Variants in UTRN observed in about 807,000 individuals in gnomAD.
UTRN encodes the protein dystrophin-related protein 1.
UTRN carries 283 observed loss-of-function variants against 463.9 expected under a neutral mutation model. The ratio of observed to expected loss-of-function variants is 0.61; its 90% CI spans 0.55 to 0.67. The LOEUF is 0.67. Among genes scored for constraint, UTRN ranks in the 30% least tolerant of loss-of-function variants. The probability of loss-of-function intolerance (pLI) is 0.00; values close to 1 mark genes in which losing one functional copy is unlikely to be tolerated. For synonymous variants in UTRN, 1,442 were observed against 1,431.5 expected (o/e 1.01, Z -0.17); for missense variants, 3,922 against 4,084.3 (o/e 0.96, Z 1.08).
intron 2 of UTRN, among the ~76,000 whole-genome samples, chr6:144,321,955 G>A (rs1775686970): frequency 1.3e-5 from 2 of 151,828 alleles, no homozygotes; most frequent in Admixed American, 6.6e-5. Flanking sequence ...GTAGAGATGG[G>A]GTTTTACCAT....
intron 57 of UTRN, among the ~76,000 whole-genome samples, chr6:144,756,086 G>T (rs1478261089): frequency 6.6e-6 from 1 of 151,986 alleles, no homozygotes; most frequent in Non-Finnish European, 1.5e-5. Context: ...GTACCTAGAT[G>T]CCAGGACACA....
chr6:144,775,697 G>A (rs1471038740), intron 60 of UTRN, among the ~76,000 whole-genome samples: 2 of 152,168 alleles, frequency 1.3e-5, no homozygotes, highest in Non-Finnish European at 2.9e-5. Context: ...CAGGCCTGAT[G>A]AGCTATAAAA....
chr6:144,384,726 T>A (rs551929532), intron 2 of UTRN, among the ~76,000 whole-genome samples: 2 of 152,340 alleles, frequency 1.3e-5, no homozygotes, highest in South Asian at 4.1e-4. Context: ...TGTTGTAGCA[T>A]GTGTCTGAAT....
chr6:144,290,328 C>T (rs1181395884), intron 1 of UTRN, among the ~76,000 whole-genome samples: 6 of 152,180 alleles, frequency 3.9e-5, no homozygotes, highest in Admixed American at 6.5e-5. Context: ...TATTTAGTCT[C>T]CTTTAATTCA....
chr6:144,664,075 A>T (rs1215963173), intron 51 of UTRN, among the ~76,000 whole-genome samples: 3 of 152,244 alleles, frequency 2.0e-5, no homozygotes, highest in African/African-American at 7.2e-5. Flanking sequence ...AGATGAAATT[A>T]TAAGAGTAAT....
intron 34 of UTRN, among the ~76,000 whole-genome samples, chr6:144,506,127 A>G (rs985334708): frequency 6.9e-6 from 1 of 143,946 alleles, no homozygotes; most frequent in Non-Finnish European, 1.5e-5. Context: ...ATATTCCTCT[A>G]TCCCTTTATT....
chr6:144,418,804 G>A (rs1227926823), intron 3 of UTRN, among the ~76,000 whole-genome samples: 2 of 151,900 alleles, frequency 1.3e-5, no homozygotes, highest in African/African-American at 2.4e-5. Context: ...CTCTCGCCTC[G>A]GCCTCCCAAA....
chr6:144,429,487 G>C (rs1453435844), intron 8 of UTRN, 94 bp from the exon 9 acceptor site: 6 of 1,122,120 alleles, frequency 5.3e-6, no homozygotes, highest in African/African-American at 4.7e-5. Flanking sequence ...ATTGTTTATG[G>C]GTACTAAGGA....
chr6:144,533,088 C>T lies in UTRN; in HGVS notation c.6061C>T (p.Leu2021Phe). The T allele has an allele frequency of 6.4e-7, 1 of 1,566,474 alleles. No individual in the cohort carries two copies. Among genetic ancestry groups the T allele is most frequent in the Non-Finnish European group, 8.8e-7 (1 of 1,137,454 alleles). ...CTTGAGTTGTGCTCTGTTACAGGAACTTGAGGTGGGCATCAGCAGCCACCA... is the reference window on the plus strand; with the variant it reads ...CTTGAGTTGTGCTCTGTTACAGGAATTTGAGGTGGGCATCAGCAGCCACCA... ...LEKARIHQQE[L>F]EVGISSHQPS... Residue 2021 changes from leucine (L) to phenylalanine (F), a missense_variant, in exon 43 of 75, where the codon CTT becomes TTT. By Grantham distance (22) the Leu-to-Phe change is conservative (BLOSUM62 0). This residue lies in a region of UTRN where 2,349 missense variants were observed against 2,303.8 expected (regional missense o/e 1.02). Transcript: ENST00000367545.
chr6:144,833,904 C>T (rs1199318453), intron 69 of UTRN, among the ~76,000 whole-genome samples: 1 of 152,210 alleles, frequency 6.6e-6, no homozygotes, highest in Non-Finnish European at 1.5e-5. Flanking sequence ...CCCTGCCAGT[C>T]TGTTTGATTT....
At chr6:144,646,406 G>T (rs12198720) in intron 51 of UTRN, among the ~76,000 whole-genome samples, 19,986 of 152,066 alleles carry the variant, frequency 0.13, 1,705 homozygotes, top group South Asian at 0.27. Flanking sequence ...ATGTTACTAG[G>T]TTCCTCTGTG....
chr6:144,447,171 G>T, intron 14 of UTRN, 40 bp from the exon 15 acceptor site: 1 of 1,563,232 alleles, frequency 6.4e-7, no homozygotes, highest in South Asian at 1.1e-5. Flanking sequence ...ATTACCAAAT[G>T]ATTTTGCAGA....
intron 32 of UTRN, among the ~76,000 whole-genome samples, chr6:144,492,854 C>G (rs1238357074): frequency 6.6e-6 from 1 of 152,172 alleles, no homozygotes; most frequent in African/African-American, 2.4e-5. Context: ...AGACTTAGTA[C>G]TTCTGAGAAA....
chr6:144,563,758 A>G lies in UTRN; in HGVS notation c.7289+6447A>G, dbSNP rs186069257. 1.7e-4 allele frequency among the ~76,000 whole-genome samples: 26 copies of G among 152,300 alleles called. No homozygotes were observed. In the East Asian group the frequency reaches 4.6e-3, roughly 27 times the overall value. On this transcript the variant is annotated intron_variant, in intron 50 of 74. Coordinates refer to ENST00000367545, the MANE Select transcript of UTRN (RefSeq NM_007124.3). ...CCAAAAAGAGAAGGGTAAAAATTAT[A>G]GTCTTCTATATTTTCCTCTTCTGTT...
intron 51 of UTRN, among the ~76,000 whole-genome samples, chr6:144,579,385 A>G (rs972151484): frequency 8.2e-6 from 1 of 121,398 alleles, no homozygotes; most frequent in Non-Finnish European, 1.6e-5. Context: ...AACTTATGCA[A>G]TGGTTTAATT....
intron 2 of UTRN, among the ~76,000 whole-genome samples, chr6:144,362,985 A>AT (rs1779206037): frequency 6.6e-6 from 1 of 152,138 alleles, no homozygotes; most frequent in African/African-American, 2.4e-5. Flanking sequence ...TGGGTTTGCT[A>AT]TTTTTTAAAA....
In UTRN at chr6:144,707,565, C is replaced by T. The variant is rs570859517; in HGVS notation, c.7809+7322C>T. Among the ~76,000 whole-genome samples the T allele has an allele frequency of 5.2e-4, 79 of 152,250 alleles. 2 individuals are homozygous for T. The highest frequency in any genetic ancestry group is 1.8e-3 in the African/African-American group (75 of 41,542). On this transcript the variant is annotated intron_variant, in intron 53 of 74. Coordinates refer to ENST00000367545, the MANE Select transcript of UTRN (RefSeq NM_007124.3). ...CAATTCTGGCTGCACTTTCCTAGGA[C>T]ATATAAAAGATATCAATGCTCAGTT...
At chr6:144,316,943 A>G (rs1351446443) in intron 2 of UTRN, among the ~76,000 whole-genome samples, 1 of 152,242 alleles carries the variant, frequency 6.6e-6, no homozygotes, top group Non-Finnish European at 1.5e-5. Context: ...TGCAGAGAGG[A>G]AGAAATGAGT....
At chr6:144,648,291 C>A (rs1778479573) in intron 51 of UTRN, among the ~76,000 whole-genome samples, 1 of 152,182 alleles carries the variant, frequency 6.6e-6, no homozygotes, top group Non-Finnish European at 1.5e-5. Context: ...CAAGGACGAG[C>A]AGTTTACCCT....
Sources: gnomAD v4.1 joint callset for allele counts (sites outside exome capture counted in the v4.1 genomes callset) on GRCh38, gnomAD v4.1.1 for gene constraint, gnomAD v4.1.1 regional missense constraint, MANE v1.5 for transcripts, NCBI Gene and HGNC (gene_info 2026-07-23, HGNC 2026-07-21) for gene names.